IFT140: variants seen among roughly 807,000 people sequenced by gnomAD.
The protein encoded by IFT140 is intraflagellar transport 140, also known as intraflagellar transport protein 140 homolog.
A neutral mutation model predicts 164.6 loss-of-function variants in IFT140; 133 were observed. That is an observed-to-expected ratio of 0.81 (90% CI 0.70 to 0.93). The LOEUF (loss-of-function observed/expected upper bound fraction) is 0.93, where lower values mean the gene tolerates loss of function less well. Ranked by LOEUF, IFT140 falls within the 40% of genes least tolerant of loss-of-function variation. The pLI is 0.00. For synonymous variants in IFT140, 860 were observed against 817.3 expected (o/e 1.05, Z -0.89); for missense variants, 2,045 against 1,972.3 (o/e 1.04, Z -0.70).
At chr16:1,534,521 A>G (rs1356172011) in intron 19 of IFT140, 1 of 1,606,768 alleles carries the variant, frequency 6.2e-7, no homozygotes, top group East Asian at 2.2e-5. Context: ...GCTCCGAGGC[A>G]GCCGGCTTCC....
chr16:1,602,398 C>T lies in IFT140; in HGVS notation c.341G>A (p.Ser114Asn), dbSNP rs986382695. 2 of 1,614,116 alleles carry T rather than the reference C, an allele frequency of 1.2e-6. No individual in the cohort carries two copies. Among genetic ancestry groups the T allele is most frequent in the Non-Finnish European group, 1.7e-6 (2 of 1,180,042 alleles). Residue 114 changes from serine (S) to asparagine (N), a missense_variant, in exon 4 of 31, where the codon AGT (serine) becomes AAT (asparagine). Coordinates refer to ENST00000426508, the MANE Select transcript of IFT140 (RefSeq NM_014714.4). ...ADITVLRWSPSGNCLLSGDRL... is the reference protein window; with the variant it reads ...ADITVLRWSPNGNCLLSGDRL... Reference sequence around the variant, plus strand: ...GTCCCCAGACAGCAGGCAGTTTCCACTGGGGCTCCAACGGAGCACGGTGAT... The same window carrying T: ...GTCCCCAGACAGCAGGCAGTTTCCATTGGGGCTCCAACGGAGCACGGTGAT...
At chr16:1,523,349 C>T (rs564519070) in intron 26 of IFT140, among the ~76,000 whole-genome samples, 169 bp downstream of exon 26, 13 of 152,130 alleles carry the variant, frequency 8.5e-5, no homozygotes, top group Admixed American at 1.3e-4. Context: ...TCTACACTTG[C>T]GGACCTCCTG....
intron 19 of IFT140, among the ~76,000 whole-genome samples, chr16:1,538,057 C>A (rs2031252834): frequency 6.6e-6 from 1 of 152,344 alleles, no homozygotes. Context: ...ACACAGGCAG[C>A]ACCCCAGGAA....
intron 21 of IFT140, 30 bp from the exon 22 acceptor site, chr16:1,525,356 T>C: frequency 6.5e-7 from 1 of 1,545,112 alleles, no homozygotes; most frequent in African/African-American, 1.4e-5. Flanking sequence ...AGGTCCTCGT[T>C]CCCTCCCATC....
At chr16:1,576,328 A>AT (rs1477040042) in intron 13 of IFT140, among the ~76,000 whole-genome samples, 1 of 150,838 alleles carries the variant, frequency 6.6e-6, no homozygotes, top group Non-Finnish European at 1.5e-5. Context: ...GCAGTGGCTC[A>AT]TGATTGTAAT....
At chr16:1,578,798 A>G (rs1347437982) in intron 13 of IFT140, among the ~76,000 whole-genome samples, 1 of 152,144 alleles carries the variant, frequency 6.6e-6, no homozygotes, top group Admixed American at 6.5e-5. Flanking sequence ...CGAAGCCTTG[A>G]CTGCCCAGGC....
At chr16:1,511,271 A>T in intron 30 of IFT140, 121 bp from the exon 31 acceptor site, 1 of 867,900 alleles carries the variant, frequency 1.2e-6, no homozygotes, top group Non-Finnish European at 1.9e-6. Flanking sequence ...GCGCTGGAGG[A>T]CACGGGGTGC....
intron 7 of IFT140, among the ~76,000 whole-genome samples, chr16:1,589,085 TG>T (rs1322792321): frequency 6.6e-6 from 1 of 152,182 alleles, no homozygotes; most frequent in Non-Finnish European, 1.5e-5. Context: ...CTGTGACTAG[TG>T]CCCATGTCCT....
intron 13 of IFT140, among the ~76,000 whole-genome samples, chr16:1,574,203 G>A (rs1287166279): frequency 6.6e-6 from 1 of 152,166 alleles, no homozygotes; most frequent in Non-Finnish European, 1.5e-5. Context: ...GTAAAATGGA[G>A]CCCAGGCCCA....
At chr16:1,541,328 C>T in intron 19 of IFT140, 10 of 985,386 alleles carry the variant, frequency 1.0e-5, no homozygotes, top group Non-Finnish European at 9.6e-6. Flanking sequence ...CTGACCCCTG[C>T]TCAGCCCCTT....
intron 4 of IFT140, among the ~76,000 whole-genome samples, chr16:1,601,774 G>T (rs1178951335): frequency 1.3e-5 from 2 of 152,232 alleles, no homozygotes; most frequent in Non-Finnish European, 2.9e-5. Flanking sequence ...TGAGGAGACA[G>T]GACATGGCTC....
intron 26 of IFT140, among the ~76,000 whole-genome samples, chr16:1,521,773 C>A (rs984207010): frequency 4.6e-5 from 7 of 151,052 alleles, no homozygotes; most frequent in African/African-American, 1.7e-4. Context: ...GTAATTCCAG[C>A]ACTTTGGGAG....
At position 1,533,962 on chromosome 16, in the gene IFT140, G is replaced by A. The variant is rs1482338642; in HGVS notation, c.2400-7166C>T. The A allele has an allele frequency of 4.0e-5, 17 of 421,406 alleles. No homozygotes were observed. Among genetic ancestry groups the A allele is most frequent in the East Asian group, 2.0e-4 (4 of 19,936 alleles). 26.1% of individuals were successfully genotyped at this position (421,406 alleles called of 1,614,324 possible). A position where few individuals can be genotyped will look rare whatever the true frequency, so the allele number is the denominator to read the frequency against. ...AGAAGAGGCACGCGCGGCACAGGCCGGCCTCCGCTTCCCGGGAAGACGGCG... is the reference window on the plus strand; with the variant it reads ...AGAAGAGGCACGCGCGGCACAGGCCAGCCTCCGCTTCCCGGGAAGACGGCG... On this transcript the variant is annotated intron_variant, in intron 19 of 30. Coordinates refer to ENST00000426508, the MANE Select transcript of IFT140 (RefSeq NM_014714.4). This position sits in a 1 kb window ranked among gnomAD's most constrained non-coding sequence, Gnocchi z 4.7.
chr16:1,565,459 G>T (rs547412802), intron 16 of IFT140, among the ~76,000 whole-genome samples: 1 of 152,136 alleles, frequency 6.6e-6, no homozygotes. Context: ...GGGAATCCAG[G>T]GGGGCTGGAC....
intron 30 of IFT140, 128 bp from the exon 31 acceptor site, chr16:1,511,278 G>C (rs2040140758): frequency 3.7e-6 from 3 of 804,360 alleles, no homozygotes; most frequent in Non-Finnish European, 6.2e-6. Flanking sequence ...AGGACACGGG[G>C]TGCACTGAGG....
intron 13 of IFT140, chr16:1,579,131 T>C (rs2034425304): frequency 6.6e-6 from 1 of 152,250 alleles, no homozygotes; most frequent in East Asian, 1.9e-4. Context: ...ATGTATCATA[T>C]ACTGTTTTTC....
chr16:1,608,981 T>A (rs1442810077), intron 2 of IFT140, among the ~76,000 whole-genome samples: 1 of 151,958 alleles, frequency 6.6e-6, no homozygotes, highest in Non-Finnish European at 1.5e-5. Context: ...TGATGAAACC[T>A]CTTCTCTACT....
rs150568982 is a variant in IFT140, at chr16:1,593,602, T to G, written c.370-1014A>C. 2.9e-3 allele frequency among the ~76,000 whole-genome samples: 443 copies of G among 152,250 alleles called. 1 individual carries two copies. The highest frequency in any genetic ancestry group is 0.01 in the African/African-American group (420 of 41,538). On this transcript the variant is annotated intron_variant, in intron 4 of 30. Coordinates refer to ENST00000426508, the MANE Select transcript of IFT140 (RefSeq NM_014714.4). ...ATGACAGGGTCTCAGGCTCTTTGTC[T>G]TAAGGCCCTGGACAGTGTGAGACCT...
chr16:1,534,178 T>C (rs1191184216), intron 19 of IFT140: 3 of 1,496,818 alleles, frequency 2.0e-6, no homozygotes, highest in Non-Finnish European at 2.7e-6. Context: ...AGTGGTGATG[T>C]CCTCTAGCCA....
Sources: gnomAD v4.1 joint callset for allele counts (sites outside exome capture counted in the v4.1 genomes callset) on GRCh38, gnomAD v4.1.1 for gene constraint, Gnocchi (gnomAD v3.1) non-coding constraint, MANE v1.5 for transcripts, NCBI Gene and HGNC (gene_info 2026-07-23, HGNC 2026-07-21) for gene names.